The following WDR62 variants were observed in gnomAD, a reference collection of about 807,000 sequenced individuals.
WDR62 encodes WD repeat-containing protein 62.
In WDR62, 112 loss-of-function variants were observed where a neutral mutation model predicts 160.6. The observed-to-expected ratio is 0.70, with a 90% CI of 0.60 to 0.82. The LOEUF is 0.82. Ranked by LOEUF, WDR62 falls within the 40% of genes least tolerant of loss-of-function variation. The pLI is 0.00. For synonymous variants in WDR62, 792 were observed against 815.1 expected (o/e 0.97, Z 0.48); for missense variants, 1,819 against 1,983.8 (o/e 0.92, Z 1.58).
At chr19:36,101,516 G>C in intron 24 of WDR62, 148 bp from the exon 25 acceptor site, 1 of 795,192 alleles carries the variant, frequency 1.3e-6, no homozygotes, top group Non-Finnish European at 2.1e-6. Flanking sequence ...TCCTTGATGT[G>C]GAACTTCCCT....
At chr19:36,073,146 C>T (rs1345520329) in intron 8 of WDR62, among the ~76,000 whole-genome samples, 196 bp from the exon 9 acceptor site, 1 of 152,050 alleles carries the variant, frequency 6.6e-6, no homozygotes, top group African/African-American at 2.4e-5. Flanking sequence ...CAAAAATTTC[C>T]GGTTTGTAGC....
chr19:36,060,596 A>G (rs573125323), intron 3 of WDR62: 1 of 165,018 alleles, frequency 6.1e-6, no homozygotes, highest in African/African-American at 2.4e-5. Context: ...GCAGCCTTGT[A>G]GAGGGTCTGC....
intron 10 of WDR62, among the ~76,000 whole-genome samples, chr19:36,082,168 T>C (rs1971938132): frequency 6.6e-6 from 1 of 152,232 alleles, no homozygotes; most frequent in Admixed American, 6.5e-5. Context: ...TCTTCTGTCC[T>C]GTGGCACACA....
At chr19:36,081,766 C>G in intron 10 of WDR62, 196 bp downstream of exon 10, 1 of 729,478 alleles carries the variant, frequency 1.4e-6, no homozygotes, top group Non-Finnish European at 2.4e-6. Flanking sequence ...TGAGGTGGCA[C>G]GCTCTATCCT....
rs1972456445 is a variant in WDR62 at position 36,089,438 on chromosome 19, G to GA, written c.1958+132_1958+133insA. 4 of 1,430,660 alleles carry GA rather than the reference G, an allele frequency of 2.8e-6. No individual in the cohort carries two copies. The East Asian group carries it at 7.1e-5, about 25-fold the overall frequency. 88.6% of individuals were successfully genotyped at this position (1,430,660 alleles called of 1,614,324 possible). A position where few individuals can be genotyped will look rare whatever the true frequency, so the allele number is the denominator to read the frequency against. On this transcript the variant is annotated intron_variant, in intron 15 of 31. Coordinates refer to ENST00000401500, the MANE Select transcript of WDR62 (RefSeq NM_001083961.2). ...GGGACCCAGCAGGTGTTCCTTCTTGGTTTTTTTTTGTTTTTGTTTTTGAGG... is the reference window on the plus strand; with the variant it reads ...GGGACCCAGCAGGTGTTCCTTCTTGGATTTTTTTTTGTTTTTGTTTTTGAGG...
chr19:36,076,655 A>G (rs1971585647), intron 9 of WDR62, among the ~76,000 whole-genome samples: 1 of 151,764 alleles, frequency 6.6e-6, no homozygotes, highest in South Asian at 2.1e-4. Context: ...AGGGATGCTC[A>G]TCGCTATTGG....
rs553178580 is a variant in WDR62 at position 36,056,181 on chromosome 19, ATAAAT to A, written c.177+1036_177+1040del. 2.7e-3 allele frequency among the ~76,000 whole-genome samples: 410 copies of A among 152,236 alleles called. 3 individuals are homozygous for A. The highest frequency in any genetic ancestry group is 9.5e-3 in the African/African-American group (394 of 41,542). On this transcript the variant is annotated intron_variant, in intron 1 of 31. Transcript: ENST00000401500. ...ACTCTGTCTCAAAATAAATAAATAA[ATAAAT>A]TATACTATTGCATTGGAGGGAAATG...
At chr19:36,087,261 C>T (rs1453135198) in intron 13 of WDR62, among the ~76,000 whole-genome samples, 1 of 151,926 alleles carries the variant, frequency 6.6e-6, no homozygotes, top group African/African-American at 2.4e-5. Flanking sequence ...AATCTCAGCA[C>T]TTTGGGAGGC....
chr19:36,067,267 T>A, intron 5 of WDR62, 39 bp from the exon 6 acceptor site: 1 of 1,613,836 alleles, frequency 6.2e-7, no homozygotes, highest in Non-Finnish European at 8.5e-7. Flanking sequence ...TCCAGTGGAA[T>A]GAGTGCTGGC....
At chr19:36,104,033 A>C in intron 30 of WDR62, 52 bp downstream of exon 30, 1 of 1,593,728 alleles carries the variant, frequency 6.3e-7, no homozygotes, top group Non-Finnish European at 8.5e-7. Context: ...CCTGTGTGCT[A>C]GTTGGCTCAG....
At chr19:36,087,313 T>C (rs1188007685) in intron 13 of WDR62, among the ~76,000 whole-genome samples, 3 of 151,988 alleles carry the variant, frequency 2.0e-5, no homozygotes, top group Non-Finnish European at 4.4e-5. Flanking sequence ...GAGACCAGTC[T>C]GGCCAACATA....
intron 3 of WDR62, chr19:36,060,611 C>G (rs1970598976): frequency 6.3e-6 from 1 of 158,546 alleles, no homozygotes; most frequent in Admixed American, 6.0e-5. Context: ...GTCTGCATAG[C>G]ATGCTGAGTG....
At position 36,092,747 on chromosome 19, in the gene WDR62, C is replaced by G. The variant is rs150593960; in HGVS notation, c.2269C>G (p.Leu757Val). The G allele has an allele frequency of 1.8e-5, 29 of 1,613,960 alleles. No homozygotes were observed. Among genetic ancestry groups the G allele is most frequent in the Non-Finnish European group, 2.2e-5 (26 of 1,180,006 alleles). The change falls in exon 19 of 32, where the codon CTG (leucine) becomes GTG (valine). Residue 757 changes from leucine to valine, a missense_variant. Leu to Val is a conservative substitution (Grantham distance 32). Coordinates refer to ENST00000401500, the MANE Select transcript of WDR62 (RefSeq NM_001083961.2). ...CACCAACTGCATGAAGCAGCACTTG[C>G]TGGAGATTGACCACCGGCAGCAGCA... ...EITNCMKQHLLEIDHRQQQQH... is the reference protein window; with the variant it reads ...EITNCMKQHLVEIDHRQQQQH...
chr19:36,103,965 C>T lies in WDR62; in HGVS notation c.4137C>T (p.Leu1379=). ...RPGIPGGTAS[L]LEPTSGALGL... ...GCATCCCTGGCGGCACTGCCTCCCT[C>T]CTGGAGCCCACCTCCGGTGAGTACA... The change falls in exon 30 of 32, where the codon CTC becomes CTT. Residue 1379 remains leucine (L), a synonymous_variant. Coordinates refer to ENST00000401500, the MANE Select transcript of WDR62 (RefSeq NM_001083961.2). 1 of 1,598,190 alleles carries T rather than the reference C, an allele frequency of 6.3e-7. No homozygotes were observed. Among genetic ancestry groups the T allele is most frequent in the Non-Finnish European group, 8.5e-7 (1 of 1,179,870 alleles).
chr19:36,072,068 G>A (rs942031402), intron 8 of WDR62, among the ~76,000 whole-genome samples: 1 of 152,238 alleles, frequency 6.6e-6, no homozygotes, highest in Non-Finnish European at 1.5e-5. Flanking sequence ...GCCCTGGGCT[G>A]GAAGCAGGAC....
rs1361715855 is a variant in WDR62, at chr19:36,102,055, G to T, written c.3124G>T (p.Gly1042Ter). ...AGAAGATGAGCTGTCCCTGCCCGAGGGACCCAGCGTCCCCAGCAGCTCCCT... is the reference window on the plus strand; with the variant it reads ...AGAAGATGAGCTGTCCCTGCCCGAGTGACCCAGCGTCCCCAGCAGCTCCCT... ...PTEDELSLPE[G>*]PSVPSSSLPQ... The change falls in exon 26 of 32, where the codon GGA (glycine) becomes TGA (stop). Residue 1042 changes from glycine to a stop codon, truncating the protein, a stop_gained. Coordinates refer to ENST00000401500, the MANE Select transcript of WDR62 (RefSeq NM_001083961.2). LOFTEE classifies it high-confidence loss of function. The T allele has an allele frequency of 6.2e-6, 10 of 1,614,016 alleles. No homozygotes were observed. The highest frequency in any genetic ancestry group is 8.5e-6 in the Non-Finnish European group (10 of 1,180,036).
chr19:36,076,132 C>T (rs1300534344), intron 9 of WDR62: 2 of 152,166 alleles, frequency 1.3e-5, no homozygotes, highest in African/African-American at 4.8e-5. Context: ...ACATTGGCTC[C>T]TGAGCCCTTT....
At chr19:36,108,850 T>C (rs1973755953), downstream of WDR62, among the ~76,000 whole-genome samples, 1 of 103,040 alleles carries the variant, frequency 9.7e-6, no homozygotes, top group Non-Finnish European at 1.9e-5. Context: ...CAAGGCCCTG[T>C]CTCAAAAAAA....
chr19:36,067,973 A>G lies in WDR62; in HGVS notation c.845A>G (p.Asn282Ser), dbSNP rs796145437. 12 of 1,614,138 alleles carry G rather than the reference A, an allele frequency of 7.4e-6. No homozygotes were observed. The African/African-American group carries it at 8.0e-5, about 11-fold the overall frequency. ...VSYSGLLCQF[N>S]EKRVLEKWIN... ...TACTCGGGCCTCCTCTGCCAGTTCA[A>G]TGAGAAGAGGGTGCTGGAGAAGTGG... The change falls in exon 7 of 32, where the codon AAT (asparagine) becomes AGT (serine). Residue 282 changes from asparagine to serine, a missense_variant. Asn to Ser is a conservative substitution (Grantham distance 46). Around this residue, in one of 3 missense-constraint regions of WDR62, gnomAD observed 934 missense variants for 1,157.2 expected, o/e 0.81. Transcript: ENST00000401500.
Sources: allele counts gnomAD v4.1 joint callset (sites outside exome capture counted in the v4.1 genomes callset), GRCh38; gene constraint gnomAD v4.1.1; regional missense constraint gnomAD v4.1.1; transcripts MANE v1.5; gene names NCBI Gene and HGNC (gene_info 2026-07-23, HGNC 2026-07-21).